PDE3A: variants seen among roughly 807,000 people sequenced by gnomAD.
The protein encoded by PDE3A is cGMP-inhibited 3',5'-cyclic phosphodiesterase 3A.
In PDE3A, 43 loss-of-function variants were observed where a neutral mutation model predicts 98.3. The observed-to-expected ratio is 0.44, with a 90% CI of 0.34 to 0.56. The LOEUF (loss-of-function observed/expected upper bound fraction) is 0.56. Among genes scored for constraint, PDE3A ranks in the 20% least tolerant of loss-of-function variants. The pLI, the probability that PDE3A is intolerant of heterozygous loss-of-function variation, is 0.01. For missense variants in PDE3A, 1,427 were observed against 1,440.7 expected (o/e 0.99, Z 0.15); for synonymous variants, 663 against 567.9 (o/e 1.17, Z -2.38).
chr12:20,507,876 G>T (rs1946147671), intron 1 of PDE3A, among the ~76,000 whole-genome samples: 3 of 152,000 alleles, frequency 2.0e-5, no homozygotes, highest in Admixed American at 2.0e-4. Flanking sequence ...TGTTCTCTCG[G>T]CTTCCACCTC....
At chr12:20,392,141 C>T (rs73232499) in intron 1 of PDE3A, among the ~76,000 whole-genome samples, 5,058 of 151,966 alleles carry the variant, frequency 0.033, 273 homozygotes, top group African/African-American at 0.12. Flanking sequence ...AAGACCTTCA[C>T]ATGAGTTAAT....
intron 2 of PDE3A, among the ~76,000 whole-genome samples, chr12:20,583,693 C>T (rs1943125390): frequency 6.6e-6 from 1 of 152,150 alleles, no homozygotes; most frequent in South Asian, 2.1e-4. Context: ...AGTGCATAGA[C>T]TGGGCCCTGG....
intron 1 of PDE3A, among the ~76,000 whole-genome samples, chr12:20,389,625 C>T (rs920139822): frequency 1.3e-4 from 19 of 151,894 alleles, no homozygotes; most frequent in African/African-American, 4.6e-4. Context: ...GTGGGGATTG[C>T]TGGGGGAAGA....
intron 1 of PDE3A, among the ~76,000 whole-genome samples, chr12:20,543,344 G>C (rs997329946): frequency 9.2e-5 from 14 of 151,738 alleles, no homozygotes; most frequent in African/African-American, 3.4e-4. Flanking sequence ...ACACCTGGAA[G>C]TGCAAGTCCT....
At chr12:20,505,852 CATGGAGCTGCCATA>C (rs1946106944) in intron 1 of PDE3A, among the ~76,000 whole-genome samples, 1 of 151,852 alleles carries the variant, frequency 6.6e-6, no homozygotes, top group Non-Finnish European at 1.5e-5. Flanking sequence ...TATATGGCAG[CATGGAGCTGCCATA>C]TACAAAACAA....
intron 15 of PDE3A, among the ~76,000 whole-genome samples, chr12:20,663,079 T>C (rs1945216727): frequency 6.6e-6 from 1 of 152,178 alleles, no homozygotes; most frequent in Non-Finnish European, 1.5e-5. Flanking sequence ...AGGTTGTGGC[T>C]TCAGAGGGTG....
At chr12:20,644,979 C>T (rs1829494788) in intron 10 of PDE3A, among the ~76,000 whole-genome samples, 1 of 151,372 alleles carries the variant, frequency 6.6e-6, no homozygotes, top group African/African-American at 2.4e-5. Context: ...ACCTCCACCT[C>T]CTGGGTTCAA....
chr12:20,647,144 A>G (rs1944793970), intron 12 of PDE3A, among the ~76,000 whole-genome samples, 194 bp downstream of exon 12: 1 of 152,182 alleles, frequency 6.6e-6, no homozygotes, highest in East Asian at 1.9e-4. Context: ...CAGGTATACA[A>G]CTTTATTATC....
In PDE3A at chr12:20,552,378, C is replaced by T. The variant is rs542076083; in HGVS notation, c.961-4282C>T. ...TGTGGCGCTACCTTCTGCGGAGGGA[C>T]GATGATGAGCCCGGCCCTTGGACGA... On this transcript the variant is annotated intron_variant, in intron 1 of 15. Transcript: ENST00000359062. This position sits in a 1 kb window ranked among gnomAD's most constrained non-coding sequence, Gnocchi z 5.1. 2.1e-4 allele frequency: 333 copies of T among 1,613,274 alleles called. 1 individual carries two copies. The highest frequency in any genetic ancestry group is 8.8e-4 in the Admixed American group (53 of 59,992).
At chr12:20,649,364 A>G (rs540948205) in intron 13 of PDE3A, among the ~76,000 whole-genome samples, 1 of 152,198 alleles carries the variant, frequency 6.6e-6, no homozygotes, top group East Asian at 1.9e-4. Context: ...AGAAGCAGAC[A>G]TATAGGTATT....
rs1361101199 is a variant in PDE3A at position 20,369,737 on chromosome 12, G to A, written c.453G>A (p.Leu151=). 10 of 1,612,186 alleles carry A rather than the reference G, an allele frequency of 6.2e-6. No homozygotes were observed. The highest frequency in any genetic ancestry group is 8.5e-6 in the Non-Finnish European group (10 of 1,179,762). The change falls in exon 1 of 16, where the codon CTG becomes CTA. Residue 151 remains leucine (L), a synonymous_variant. Transcript: ENST00000359062. ...TCTTCTGGATGGGCTTGTACCTCCT[G>A]CGCGCCGGGGTGCGCCTGCCTCTGG... ...CAFFWMGLYL[L]RAGVRLPLAV... is the part of the protein sequence containing the mutation.
rs901452045 is a variant in PDE3A at position 20,449,949 on chromosome 12, C to T, written c.960+79705C>T. 14 of 769,998 alleles carry T rather than the reference C, an allele frequency of 1.8e-5. No individual in the cohort carries two copies. In the Admixed American group the frequency reaches 2.6e-4, roughly 14 times the overall value. The allele number at this position is 769,998 out of a possible 1,614,324, so 47.7% of individuals were successfully genotyped here. A position where few individuals can be genotyped will look rare whatever the true frequency, so the allele number is the denominator to read the frequency against. On this transcript the variant is annotated intron_variant, in intron 1 of 15. Transcript: ENST00000359062. ...GAAAGTTGATTTCGATTCTGAAGGCCCCCTTATATGGAGGGTTGTCAGGAA... is the reference window on the plus strand; with the variant it reads ...GAAAGTTGATTTCGATTCTGAAGGCTCCCTTATATGGAGGGTTGTCAGGAA...
intron 1 of PDE3A, among the ~76,000 whole-genome samples, chr12:20,553,734 C>T (rs1336127311): frequency 2.0e-5 from 3 of 152,232 alleles, no homozygotes; most frequent in Admixed American, 6.5e-5. Context: ...TGACGCTGTC[C>T]GACGAAGGCG....
intron 4 of PDE3A, among the ~76,000 whole-genome samples, chr12:20,617,813 C>T (rs1944041015): frequency 6.6e-6 from 1 of 152,008 alleles, no homozygotes; most frequent in Non-Finnish European, 1.5e-5. Flanking sequence ...TAGTCAAATC[C>T]TATCTCCCCT....
chr12:20,464,600 T>C (rs1219659426), intron 1 of PDE3A, among the ~76,000 whole-genome samples: 5 of 152,230 alleles, frequency 3.3e-5, no homozygotes, highest in Non-Finnish European at 7.3e-5. Context: ...TGTTTTACCG[T>C]GAGCTGAATC....
At chr12:20,576,037 T>C (rs1942924868) in intron 2 of PDE3A, among the ~76,000 whole-genome samples, 1 of 151,972 alleles carries the variant, frequency 6.6e-6, no homozygotes, top group Non-Finnish European at 1.5e-5. Context: ...AGTGTATATG[T>C]TTATAGGGTA....
At chr12:20,587,944 A>G (rs184633637) in intron 2 of PDE3A, among the ~76,000 whole-genome samples, 17 of 152,342 alleles carry the variant, frequency 1.1e-4, no homozygotes, top group Admixed American at 1.0e-3. Context: ...TGGAATTTGA[A>G]AGCTGGGGCC....
At chr12:20,679,490 G>A (rs570121469) in intron 15 of PDE3A, among the ~76,000 whole-genome samples, 20 of 152,102 alleles carry the variant, frequency 1.3e-4, no homozygotes, top group Non-Finnish European at 2.4e-4. Context: ...CTCGTGATTC[G>A]CCCGCCTTGG....
chr12:20,486,193 A>G (rs983286957), intron 1 of PDE3A, among the ~76,000 whole-genome samples: 1 of 152,196 alleles, frequency 6.6e-6, no homozygotes, highest in African/African-American at 2.4e-5. Flanking sequence ...AAAGAGCTGT[A>G]ATTGGCTCAC....
Sources: allele counts gnomAD v4.1 joint callset (sites outside exome capture counted in the v4.1 genomes callset), GRCh38; gene constraint gnomAD v4.1.1; non-coding constraint Gnocchi (gnomAD v3.1); transcripts MANE v1.5; gene names NCBI Gene and HGNC (gene_info 2026-07-23, HGNC 2026-07-21).